The following ALK variants were observed in gnomAD, a reference collection of about 807,000 sequenced individuals.
ALK encodes ALK receptor tyrosine kinase, also known as ALK tyrosine kinase receptor.
ALK carries 74 observed loss-of-function variants against 163.1 expected under a neutral mutation model. That is an observed-to-expected ratio of 0.45 (90% CI 0.38 to 0.55). The LOEUF (loss-of-function observed/expected upper bound fraction) is 0.55, where lower values mean the gene tolerates loss of function less well. Ranked by LOEUF, ALK falls within the 20% of genes least tolerant of loss-of-function variation. The probability of loss-of-function intolerance (pLI) is 0.00; values close to 1 mark genes in which losing one functional copy is unlikely to be tolerated. For synonymous variants in ALK, 960 were observed against 843.2 expected (o/e 1.14, Z -2.40); for missense variants, 2,063 against 2,105.3 (o/e 0.98, Z 0.39).
chr2:29,539,198 T>A (rs1050171207), intron 3 of ALK, among the ~76,000 whole-genome samples: 10 of 152,216 alleles, frequency 6.6e-5, no homozygotes, highest in Non-Finnish European at 1.5e-4. Flanking sequence ...TATTTCTCAC[T>A]GCAGTGAATA....
At chr2:29,827,158 C>G (rs940298047) in intron 1 of ALK, among the ~76,000 whole-genome samples, 27 of 152,198 alleles carry the variant, frequency 1.8e-4, no homozygotes, top group Admixed American at 1.8e-3. Context: ...GGTCTCAGAA[C>G]AGCACGCAGA....
intron 4 of ALK, among the ~76,000 whole-genome samples, chr2:29,396,512 A>G (rs1669307726): frequency 6.6e-6 from 1 of 152,058 alleles, no homozygotes; most frequent in Admixed American, 6.6e-5. Flanking sequence ...TGTCTCTACT[A>G]AAAATACAAA....
At chr2:29,263,951 A>G (rs548985806) in intron 11 of ALK, among the ~76,000 whole-genome samples, 1 of 152,362 alleles carries the variant, frequency 6.6e-6, no homozygotes, top group Non-Finnish European at 1.5e-5. Context: ...GGAGCCTCCT[A>G]GAATCAAGAT....
chr2:29,823,585 G>A (rs1394875551), intron 1 of ALK, among the ~76,000 whole-genome samples: 1 of 152,178 alleles, frequency 6.6e-6, no homozygotes, highest in Non-Finnish European at 1.5e-5. Context: ...CTGCAGCAAA[G>A]GTGACTCTTG....
chr2:29,527,595 C>T (rs927417523), intron 4 of ALK, among the ~76,000 whole-genome samples: 5 of 152,128 alleles, frequency 3.3e-5, no homozygotes, highest in Non-Finnish European at 5.9e-5. Flanking sequence ...GCAGCCTCAA[C>T]CTCTTGGGCT....
At chr2:29,864,033 A>G (rs920554930) in intron 1 of ALK, among the ~76,000 whole-genome samples, 1 of 152,198 alleles carries the variant, frequency 6.6e-6, no homozygotes, top group Non-Finnish European at 1.5e-5. Context: ...TTATTTCATA[A>G]TTATGATAAC....
intron 3 of ALK, among the ~76,000 whole-genome samples, chr2:29,603,722 T>G (rs984926700): frequency 1.3e-5 from 2 of 152,110 alleles, no homozygotes; most frequent in African/African-American, 4.8e-5. Context: ...CTCAGCACCA[T>G]TCAGTCTCTC....
At chr2:29,402,456 G>A (rs1669471520) in intron 4 of ALK, among the ~76,000 whole-genome samples, 1 of 152,224 alleles carries the variant, frequency 6.6e-6, no homozygotes, top group South Asian at 2.1e-4. Context: ...CTGGCTGTGG[G>A]CGAGTCACTC....
chr2:29,864,245 CA>C (rs1347494310), intron 1 of ALK, among the ~76,000 whole-genome samples: 1 of 152,180 alleles, frequency 6.6e-6, no homozygotes, highest in Non-Finnish European at 1.5e-5. Context: ...GCAGTCACAG[CA>C]GTCTATTCCC....
intron 1 of ALK, among the ~76,000 whole-genome samples, chr2:29,754,073 C>T (rs1365564818): frequency 6.6e-6 from 1 of 152,170 alleles, no homozygotes; most frequent in East Asian, 1.9e-4. Flanking sequence ...AATTGGCTGG[C>T]CCCAAGCCAC....
chr2:29,489,185 T>G (rs532817126), intron 4 of ALK, among the ~76,000 whole-genome samples: 286 of 152,280 alleles, frequency 1.9e-3, no homozygotes, highest in African/African-American at 6.5e-3. Context: ...TGTATCTTAG[T>G]TTTTTGACTT....
intron 1 of ALK, among the ~76,000 whole-genome samples, chr2:29,898,350 T>A (rs922046471): frequency 6.6e-6 from 1 of 152,234 alleles, no homozygotes; most frequent in African/African-American, 2.4e-5. Context: ...CCAACTCACA[T>A]CCCTTTGATT....
At chr2:29,674,243 G>C (rs1677801393) in intron 3 of ALK, among the ~76,000 whole-genome samples, 1 of 151,560 alleles carries the variant, frequency 6.6e-6, no homozygotes. Context: ...GGGCATCCCT[G>C]TCTTGTGCCA....
intron 3 of ALK, among the ~76,000 whole-genome samples, chr2:29,537,021 A>C (rs899309640): frequency 1.3e-5 from 2 of 152,246 alleles, no homozygotes; most frequent in Non-Finnish European, 2.9e-5. Context: ...ATGGGAGCAA[A>C]GAAATGACAA....
intron 1 of ALK, among the ~76,000 whole-genome samples, chr2:29,791,510 G>A (rs1294934616): frequency 6.6e-6 from 1 of 152,106 alleles, no homozygotes; most frequent in Non-Finnish European, 1.5e-5. Context: ...GATAGCATTA[G>A]GATAAATACC....
At chr2:29,241,624 C>T (rs912395204) in intron 12 of ALK, among the ~76,000 whole-genome samples, 2 of 151,330 alleles carry the variant, frequency 1.3e-5, no homozygotes, top group African/African-American at 2.4e-5. Context: ...CTTGTGTGAA[C>T]GGAAGTGAAG....
intron 4 of ALK, among the ~76,000 whole-genome samples, chr2:29,486,238 A>G (rs147178420): frequency 9.8e-5 from 15 of 152,304 alleles, no homozygotes; most frequent in Non-Finnish European, 1.9e-4. Flanking sequence ...TGCCAAATTA[A>G]TAATGGAGAA....
At chr2:29,302,847 C>T (rs778577276) in intron 8 of ALK, among the ~76,000 whole-genome samples, 9 of 152,160 alleles carry the variant, frequency 5.9e-5, no homozygotes, top group Non-Finnish European at 8.8e-5. Context: ...CTGGATCCCA[C>T]CTCTCGCCAT....
chr2:29,535,380 G>C (rs1308048347), intron 3 of ALK, among the ~76,000 whole-genome samples: 1 of 152,208 alleles, frequency 6.6e-6, no homozygotes. Context: ...TCAACCAGCA[G>C]GGCTCACATT....
Sources: allele counts gnomAD v4.1 joint callset (sites outside exome capture counted in the v4.1 genomes callset), GRCh38; gene constraint gnomAD v4.1.1; transcripts MANE v1.5; gene names NCBI Gene and HGNC (gene_info 2026-07-23, HGNC 2026-07-21).